Variants in BNC2 observed in about 807,000 individuals in gnomAD.
The protein encoded by BNC2 is basonuclin zinc finger protein 2, also known as zinc finger protein basonuclin-2.
BNC2 carries 20 observed loss-of-function variants against 76.3 expected under a neutral mutation model. That is an observed-to-expected ratio of 0.26 (90% confidence interval 0.18 to 0.38). The LOEUF (loss-of-function observed/expected upper bound fraction) is 0.38. Among genes scored for constraint, BNC2 ranks in the 10% least tolerant of loss-of-function variants. The pLI, the probability that BNC2 is intolerant of heterozygous loss-of-function variation, is 1.00. For missense variants in BNC2, 1,382 were observed against 1,399.8 expected, an observed-to-expected ratio of 0.99 and a Z score of 0.20; for synonymous variants, 582 against 514.8, an observed-to-expected ratio of 1.13 and a Z score of -1.77.
intron 1 of BNC2, among the ~76,000 whole-genome samples, chr9:16,837,026 A>G (rs1267036911): frequency 6.6e-6 from 1 of 152,086 alleles, no homozygotes; most frequent in African/African-American, 2.4e-5. Context: ...TTCTCTCCCC[A>G]CTGTCCTGGT....
In BNC2 at chr9:16,414,571, T is replaced by A. The variant is rs1820544261; in HGVS notation, c.*4418A>T. The A allele has an allele frequency of 6.6e-6, 1 of 152,176 alleles. No individual in the cohort carries two copies. The highest frequency in any genetic ancestry group is 2.1e-4 in the South Asian group (1 of 4,828). 9.4% of individuals were successfully genotyped at this position (152,176 alleles called of 1,614,324 possible). A position where few individuals can be genotyped will look rare whatever the true frequency, so the allele number is the denominator to read the frequency against. On this transcript the variant is annotated 3_prime_UTR_variant, in exon 7 of 7. Coordinates refer to ENST00000380672, the MANE Select transcript of BNC2 (RefSeq NM_017637.6). ...GGTGTGACCACAGGATGAAAAAAAG[T>A]TTCTTCTGGATGATTTGTTTCTTGA...
chr9:16,595,215 A>G (rs112186182), intron 3 of BNC2, among the ~76,000 whole-genome samples: 1 of 152,150 alleles, frequency 6.6e-6, no homozygotes, highest in South Asian at 2.1e-4. Context: ...TCCATCAGCG[A>G]CACATCTCAA....
rs896966249 is a variant in BNC2, at chr9:16,414,229, G to C, written c.*4760C>G. 6.6e-6 allele frequency: 1 copy of C among 152,124 alleles called. No individual in the cohort carries two copies. Among genetic ancestry groups the C allele is most frequent in the African/African-American group, 2.4e-5 (1 of 41,414 alleles). 9.4% of individuals were successfully genotyped at this position (152,124 alleles called of 1,614,324 possible). A position where few individuals can be genotyped will look rare whatever the true frequency, so the allele number is the denominator to read the frequency against. On this transcript the variant is annotated 3_prime_UTR_variant, in exon 7 of 7. Transcript: ENST00000380672. Reference sequence around the variant, plus strand: ...TACGATCAATACGCTCTCACCCACTGCGAGGCAGAGCTATGCCAGTCTTTT... The same window carrying C: ...TACGATCAATACGCTCTCACCCACTCCGAGGCAGAGCTATGCCAGTCTTTT...
intron 1 of BNC2, among the ~76,000 whole-genome samples, chr9:16,811,009 G>C (rs902206938): frequency 6.6e-6 from 1 of 151,086 alleles, no homozygotes; most frequent in Admixed American, 6.6e-5. Context: ...TCAAGGTCAG[G>C]AGATCAAGAC....
chr9:16,497,745 T>C (rs140433135), intron 5 of BNC2, among the ~76,000 whole-genome samples: 161 of 152,230 alleles, frequency 1.1e-3, no homozygotes, highest in African/African-American at 3.6e-3. Flanking sequence ...GTAAAAAGGT[T>C]GGGCTAAAAA....
At chr9:16,575,953 G>A (rs1351487523) in intron 4 of BNC2, among the ~76,000 whole-genome samples, 1 of 152,206 alleles carries the variant, frequency 6.6e-6, no homozygotes, top group Admixed American at 6.5e-5. Context: ...AGCAGATACT[G>A]CACCAGCTTC....
chr9:16,816,640 G>T (rs1300595065), intron 1 of BNC2, among the ~76,000 whole-genome samples: 1 of 152,162 alleles, frequency 6.6e-6, no homozygotes, highest in Non-Finnish European at 1.5e-5. Context: ...AAGAAAAACT[G>T]GGAAATCACG....
At chr9:16,784,422 C>G (rs1376655247) in intron 1 of BNC2, among the ~76,000 whole-genome samples, 2 of 152,098 alleles carry the variant, frequency 1.3e-5, no homozygotes, top group African/African-American at 4.8e-5. Flanking sequence ...ATAATTGTCC[C>G]ACAAGGGACA....
intron 3 of BNC2, among the ~76,000 whole-genome samples, chr9:16,641,456 G>A (rs1244676924): frequency 6.6e-6 from 1 of 152,096 alleles, no homozygotes; most frequent in Non-Finnish European, 1.5e-5. Flanking sequence ...TTTAAAGTGA[G>A]CTATTATTAA....
At chr9:16,785,422 T>C (rs950697356) in intron 1 of BNC2, among the ~76,000 whole-genome samples, 1 of 152,034 alleles carries the variant, frequency 6.6e-6, no homozygotes, top group African/African-American at 2.4e-5. Flanking sequence ...TAAGACAGAG[T>C]TTTGCTCTGC....
Position 16,558,973 on chromosome 9 carries a change from G to A in BNC2, c.434-6208C>T, listed in dbSNP as rs191427818. ...AAAAGTAATTTCAAAGTAGTGGTCG[G>A]TGTTCAACTAAAAGTATGTTAGTTC... On this transcript the variant is annotated intron_variant, in intron 4 of 6. Transcript: ENST00000380672. Among the ~76,000 whole-genome samples the A allele has an allele frequency of 9.2e-5, 14 of 151,992 alleles. No individual in the cohort carries two copies. In the East Asian group the frequency reaches 2.5e-3, roughly 27 times the overall value.
intron 3 of BNC2, among the ~76,000 whole-genome samples, chr9:16,594,824 G>T (rs895107936): frequency 6.6e-6 from 1 of 152,080 alleles, no homozygotes; most frequent in African/African-American, 2.4e-5. Flanking sequence ...CTGGGCATGG[G>T]AGGAAAGGAG....
intron 1 of BNC2, among the ~76,000 whole-genome samples, chr9:16,794,684 T>C (rs1453161416): frequency 6.6e-6 from 1 of 152,104 alleles, no homozygotes; most frequent in African/African-American, 2.4e-5. Flanking sequence ...AGCCAGTAAA[T>C]CAAAGGGCTT....
intron 3 of BNC2, among the ~76,000 whole-genome samples, chr9:16,720,618 A>C (rs1824128061): frequency 6.6e-6 from 1 of 152,240 alleles, no homozygotes; most frequent in Non-Finnish European, 1.5e-5. Context: ...TTTTCTTTAC[A>C]GAGAGAAATG....
chr9:16,725,624 C>T (rs962080740), intron 3 of BNC2, among the ~76,000 whole-genome samples: 4 of 152,140 alleles, frequency 2.6e-5, no homozygotes, highest in African/African-American at 9.7e-5. Context: ...ATCCATTAAG[C>T]ATAAATTAGT....
At chr9:16,561,112 A>T (rs987288361) in intron 4 of BNC2, among the ~76,000 whole-genome samples, 1 of 152,014 alleles carries the variant, frequency 6.6e-6, no homozygotes, top group African/African-American at 2.4e-5. Context: ...GGTGGTGGGC[A>T]CCTGTAATCC....
intron 3 of BNC2, among the ~76,000 whole-genome samples, chr9:16,680,222 T>C (rs949998136): frequency 6.6e-6 from 1 of 151,816 alleles, no homozygotes; most frequent in Non-Finnish European, 1.5e-5. Context: ...GCTTTTGTTG[T>C]TGTTGTTGTT....
At chr9:16,804,096 G>C (rs1817847618) in intron 1 of BNC2, among the ~76,000 whole-genome samples, 1 of 152,148 alleles carries the variant, frequency 6.6e-6, no homozygotes, top group Non-Finnish European at 1.5e-5. Context: ...ATGATGTACA[G>C]AACTATACTT....
At chr9:16,835,528 G>C (rs1351983231) in intron 1 of BNC2, among the ~76,000 whole-genome samples, 2 of 151,728 alleles carry the variant, frequency 1.3e-5, no homozygotes, top group Non-Finnish European at 2.9e-5. Context: ...GTGAAACCCT[G>C]TCCCTACTAA....
Sources: allele counts gnomAD v4.1 joint callset (sites outside exome capture counted in the v4.1 genomes callset), GRCh38; gene constraint gnomAD v4.1.1; transcripts MANE v1.5; gene names NCBI Gene and HGNC (gene_info 2026-07-23, HGNC 2026-07-21).